The following CMTM8 variants were observed in gnomAD, a reference collection of about 807,000 sequenced individuals.
CMTM8 encodes the protein CKLF-like MARVEL transmembrane domain-containing protein 8.
Under a neutral mutation model 18.6 loss-of-function variants are expected in CMTM8, and 12 were observed. The observed-to-expected ratio is 0.65, with a 90% CI of 0.41 to 1.05. CMTM8 has a LOEUF of 1.05. CMTM8 is among the 50% of genes least tolerant of loss of function. The pLI, the probability that CMTM8 is intolerant of heterozygous loss-of-function variation, is 0.00. For missense variants in CMTM8, 217 were observed against 227.2 expected (o/e 0.95, Z 0.29); for synonymous variants, 87 against 90.6 (o/e 0.96, Z 0.23).
intron 1 of CMTM8, chr3:32,244,057 T>C (rs1465605843): frequency 3.0e-5 from 5 of 167,178 alleles, no homozygotes; most frequent in Non-Finnish European, 6.6e-5. Flanking sequence ...TCAACATAGC[T>C]GCCCCCTGCG....
chr3:32,244,473 G>A (rs377653634), intron 1 of CMTM8, among the ~76,000 whole-genome samples: 3 of 152,208 alleles, frequency 2.0e-5, no homozygotes, highest in African/African-American at 4.8e-5. Context: ...GGCATGAGCC[G>A]TTGCGGCCAG....
intron 1 of CMTM8, among the ~76,000 whole-genome samples, chr3:32,319,074 A>ATATATATATATATATTTTTTTTTTTTTT: frequency 1.3e-4 from 4 of 31,530 alleles, no homozygotes; most frequent in Admixed American, 5.7e-4. Context: ...ATATATATAT[A>ATATATATATATATATTTTTTTTTTTTTT]TTTTTTTTTT....
chr3:32,254,551 G>C (rs1702153390), intron 1 of CMTM8, among the ~76,000 whole-genome samples: 1 of 151,428 alleles, frequency 6.6e-6, no homozygotes, highest in Admixed American at 6.6e-5. Flanking sequence ...ATTCTATTTT[G>C]TTTGGAGTTA....
At chr3:32,282,233 G>A (rs1433004173) in intron 1 of CMTM8, among the ~76,000 whole-genome samples, 2 of 152,046 alleles carry the variant, frequency 1.3e-5, no homozygotes, top group Admixed American at 6.6e-5. Flanking sequence ...TTGTGTGTAC[G>A]GGACAAATGA....
intron 2 of CMTM8, among the ~76,000 whole-genome samples, chr3:32,361,573 C>G (rs113421169): frequency 6.6e-6 from 1 of 151,942 alleles, no homozygotes; most frequent in African/African-American, 2.4e-5. Context: ...TGGTTTTAGT[C>G]CCCTGGGAAC....
At chr3:32,361,286 G>GTTTTTTTTTTTTTTTTTTGTTT in intron 2 of CMTM8, among the ~76,000 whole-genome samples, 1 of 87,268 alleles carries the variant, frequency 1.1e-5, no homozygotes, top group Non-Finnish European at 2.4e-5. Flanking sequence ...CAGCCTAAGA[G>GTTTTTTTTTTTTTTTTTTGTTT]TTTTTTTTTC....
chr3:32,355,423 C>G (rs994634619), intron 1 of CMTM8, among the ~76,000 whole-genome samples: 2 of 152,162 alleles, frequency 1.3e-5, no homozygotes, highest in Non-Finnish European at 2.9e-5. Context: ...TCTCCTCCCC[C>G]AACCCCATGT....
intron 1 of CMTM8, among the ~76,000 whole-genome samples, chr3:32,258,733 A>G (rs1476496307): frequency 1.3e-5 from 2 of 151,930 alleles, no homozygotes; most frequent in African/African-American, 4.8e-5. Flanking sequence ...CTATTCTCAA[A>G]CTTCCGGGCT....
rs1344644771 is a variant in CMTM8, at chr3:32,298,862, C to CAT, written c.148-58503_148-58502dup. 4.3e-5 allele frequency among the ~76,000 whole-genome samples: 6 copies of CAT among 140,156 alleles called. No homozygotes were observed. In the East Asian group the frequency reaches 8.2e-4, roughly 19 times the overall value. The allele number at this position is 140,156 out of a possible 152,430, so 91.9% of individuals were successfully genotyped here. ...ATGTGTGTGTGTATATACACACACACATATATATACACACACATACATATA... is the reference window on the plus strand; with the variant it reads ...ATGTGTGTGTGTATATACACACACACATATATATATACACACACATACATATA... On this transcript the variant is annotated intron_variant, in intron 1 of 3. Transcript: ENST00000307526.
At chr3:32,280,234 G>C (rs72619950) in intron 1 of CMTM8, among the ~76,000 whole-genome samples, 2 of 151,952 alleles carry the variant, frequency 1.3e-5, no homozygotes, top group African/African-American at 4.8e-5. Context: ...GCTGATTCAC[G>C]CTGATTTCCT....
intron 1 of CMTM8, among the ~76,000 whole-genome samples, chr3:32,351,594 C>A (rs928960762): frequency 2.0e-5 from 3 of 151,874 alleles, no homozygotes; most frequent in Admixed American, 2.0e-4. Flanking sequence ...TTCCTGTAAT[C>A]CCAGCTACTC....
chr3:32,286,760 T>A (rs530246637), intron 1 of CMTM8, among the ~76,000 whole-genome samples: 3 of 152,192 alleles, frequency 2.0e-5, no homozygotes, highest in Non-Finnish European at 2.9e-5. Flanking sequence ...CGGTAGCTGA[T>A]GAGCTGAAAA....
intron 1 of CMTM8, among the ~76,000 whole-genome samples, chr3:32,261,183 AG>A (rs887895959): frequency 4.7e-5 from 7 of 149,780 alleles, no homozygotes; most frequent in African/African-American, 1.5e-4. Context: ...AAAAAAAAAA[AG>A]AATAAAAACT....
At chr3:32,369,416 A>G (rs1206201160) in intron 3 of CMTM8, among the ~76,000 whole-genome samples, 2 of 152,224 alleles carry the variant, frequency 1.3e-5, no homozygotes, top group East Asian at 3.8e-4. Flanking sequence ...AGAATGGACT[A>G]GAACTAGGTG....
intron 1 of CMTM8, among the ~76,000 whole-genome samples, chr3:32,244,812 G>C (rs1575143305): frequency 6.6e-6 from 1 of 152,116 alleles, no homozygotes; most frequent in East Asian, 1.9e-4. Flanking sequence ...TGCTTTTCTT[G>C]AGGAAAAGTT....
intron 2 of CMTM8, among the ~76,000 whole-genome samples, chr3:32,360,452 C>T (rs1038088285): frequency 6.6e-6 from 1 of 152,228 alleles, no homozygotes; most frequent in South Asian, 2.1e-4. Flanking sequence ...TTTGTAACTT[C>T]TCAAAGCATT....
At chr3:32,288,722 G>A (rs751276969) in intron 1 of CMTM8, among the ~76,000 whole-genome samples, 11 of 152,222 alleles carry the variant, frequency 7.2e-5, no homozygotes, top group South Asian at 6.2e-4. Flanking sequence ...GGATGTTCTC[G>A]ATCTCCTGAC....
chr3:32,361,768 T>C (rs1277674309), intron 2 of CMTM8, among the ~76,000 whole-genome samples: 2 of 152,224 alleles, frequency 1.3e-5, no homozygotes, highest in African/African-American at 2.4e-5. Flanking sequence ...AGCTGGTTCC[T>C]ACTAGCACCT....
At chr3:32,363,299 G>A (rs1227494560) in intron 2 of CMTM8, among the ~76,000 whole-genome samples, 2 of 152,224 alleles carry the variant, frequency 1.3e-5, no homozygotes, top group Non-Finnish European at 1.5e-5. Flanking sequence ...CAGTTGGCCT[G>A]TGGTCCAAGG....
Sources: allele counts gnomAD v4.1 joint callset (sites outside exome capture counted in the v4.1 genomes callset), GRCh38; gene constraint gnomAD v4.1.1; transcripts MANE v1.5; gene names NCBI Gene and HGNC (gene_info 2026-07-23, HGNC 2026-07-21).